Variants in NRG1 observed in about 807,000 individuals in gnomAD.
The protein encoded by NRG1 is neuregulin 1, also known as pro-neuregulin-1, membrane-bound isoform.
In NRG1, 18 loss-of-function variants were observed where a neutral mutation model predicts 63.8. That is an observed-to-expected ratio of 0.28 (90% confidence interval 0.19 to 0.42). The LOEUF (loss-of-function observed/expected upper bound fraction) is 0.42, where lower values mean the gene tolerates loss of function less well. NRG1 is among the 10% of genes least tolerant of loss of function. The pLI is 1.00. For synonymous variants in NRG1, 302 were observed against 301.3 expected, an observed-to-expected ratio of 1.00 and a Z score of -0.02; for missense variants, 762 against 814.7, an observed-to-expected ratio of 0.94 and a Z score of 0.79.
At chr8:32,561,427 A>G (rs1173699422) in intron 1 of NRG1, among the ~76,000 whole-genome samples, 1 of 152,228 alleles carries the variant, frequency 6.6e-6, no homozygotes, top group Non-Finnish European at 1.5e-5. Context: ...CCATAAAATA[A>G]GTAGTCCTAA....
chr8:32,532,531 A>G (rs371796379), intron 1 of NRG1, among the ~76,000 whole-genome samples: 1 of 152,136 alleles, frequency 6.6e-6, no homozygotes, highest in South Asian at 2.1e-4. Context: ...GTGTTTATGA[A>G]GCTGCTCTAA....
At chr8:32,477,637 A>C (rs1824697014) in intron 1 of NRG1, among the ~76,000 whole-genome samples, 2 of 152,206 alleles carry the variant, frequency 1.3e-5, no homozygotes, top group Non-Finnish European at 2.9e-5. Context: ...ATTGCCATCA[A>C]AATTTTAACT....
chr8:32,303,395 AAC>A (rs952805574), intron 1 of NRG1, among the ~76,000 whole-genome samples: 2 of 152,106 alleles, frequency 1.3e-5, no homozygotes, highest in African/African-American at 4.8e-5. Flanking sequence ...AAAATGACTT[AAC>A]ACACACAACT....
chr8:32,043,041 G>A (rs58483263), intron 1 of NRG1, among the ~76,000 whole-genome samples: 3,986 of 145,996 alleles, frequency 0.027, 182 homozygotes, highest in African/African-American at 0.091. Flanking sequence ...AAGAAATAAT[G>A]GCTGAAACAT....
At chr8:32,670,448 C>A (rs1805337775) in intron 5 of NRG1, among the ~76,000 whole-genome samples, 1 of 152,066 alleles carries the variant, frequency 6.6e-6, no homozygotes, top group African/African-American at 2.4e-5. Context: ...AAGAGAATGG[C>A]TGACTATAAG....
intron 1 of NRG1, among the ~76,000 whole-genome samples, chr8:31,981,670 G>A (rs1809125787): frequency 6.6e-6 from 1 of 151,838 alleles, no homozygotes; most frequent in African/African-American, 2.4e-5. Context: ...AATCCATTCT[G>A]CGACTTCACC....
intron 1 of NRG1, among the ~76,000 whole-genome samples, chr8:31,793,369 G>A (rs1404710911): frequency 6.6e-6 from 1 of 152,178 alleles, no homozygotes; most frequent in Non-Finnish European, 1.5e-5. Flanking sequence ...ATAGAATTGA[G>A]TCTCAATGAA....
chr8:32,155,623 G>A (rs1001717508), intron 1 of NRG1, among the ~76,000 whole-genome samples: 18 of 152,114 alleles, frequency 1.2e-4, no homozygotes, highest in African/African-American at 4.1e-4. Flanking sequence ...ATCAAACACT[G>A]CATTGACGCT....
chr8:32,153,586 C>CATATCACTG lies in NRG1; in HGVS notation c.38-442241_38-442233dup, dbSNP rs548968781. On this transcript the variant is annotated intron_variant, in intron 1 of 10. Coordinates refer to the NRG1 transcript ENST00000519301. Reference sequence around the variant, plus strand: ...TGATGATAGAAAATTAGTCTATGGCCATATCACTGTGAATGCACCAAATCT... The same window carrying CATATCACTG: ...TGATGATAGAAAATTAGTCTATGGCCATATCACTGATATCACTGTGAATGCACCAAATCT... Among the ~76,000 whole-genome samples, 19 of 152,226 alleles carry CATATCACTG rather than the reference C, an allele frequency of 1.2e-4. No individual in the cohort carries two copies. The East Asian group carries it at 2.1e-3, about 17-fold the overall frequency.
At chr8:32,397,398 T>C (rs13249296) in intron 1 of NRG1, among the ~76,000 whole-genome samples, 8,645 of 152,220 alleles carry the variant, frequency 0.057, 332 homozygotes, top group Middle Eastern at 0.092. Flanking sequence ...TGGTGCCTTG[T>C]ACATAATAAA....
intron 1 of NRG1, among the ~76,000 whole-genome samples, chr8:31,718,152 G>C (rs1227977840): frequency 6.6e-6 from 1 of 152,048 alleles, no homozygotes; most frequent in Non-Finnish European, 1.5e-5. Flanking sequence ...AACTAAAGTG[G>C]TCTAGAAGAT....
intron 1 of NRG1, chr8:32,029,508 T>G (rs1428177627): frequency 6.6e-6 from 1 of 152,210 alleles, no homozygotes; most frequent in African/African-American, 2.4e-5. Flanking sequence ...GATAGCTGAT[T>G]GGTTACAGCT....
chr8:32,086,483 A>G (rs1477309506), intron 1 of NRG1, among the ~76,000 whole-genome samples: 1 of 142,674 alleles, frequency 7.0e-6, no homozygotes, highest in Non-Finnish European at 1.6e-5. Flanking sequence ...AGTTATGAAT[A>G]TAGGTCATCT....
intron 6 of NRG1, 24 bp from the exon 7 acceptor site, chr8:32,741,983 TG>T: frequency 6.3e-7 from 1 of 1,598,578 alleles, no homozygotes; most frequent in Non-Finnish European, 8.6e-7. Context: ...ATTTTTTTTT[TG>T]CTTACCACAT....
At chr8:32,727,905 GA>G (rs1407172556) in intron 5 of NRG1, 43 bp from the exon 6 acceptor site, 53 of 1,595,244 alleles carry the variant, frequency 3.3e-5, no homozygotes, top group East Asian at 4.5e-5. Flanking sequence ...TTAGAAGGGG[GA>G]AAAAAAGTCC....
rs528989679 is a variant in NRG1, at chr8:31,677,319, T to A, written c.37+37888T>A. ...CTCAATTTATCTACCACTTAAAAAA[T>A]TTCAAGTGTTTTTTATCTATCTATG... On this transcript the variant is annotated intron_variant, in intron 1 of 10. Transcript: ENST00000519301. 5.5e-4 allele frequency among the ~76,000 whole-genome samples: 83 copies of A among 151,468 alleles called. No individual in the cohort carries two copies. In the Middle Eastern group the frequency reaches 0.017, roughly 32 times the overall value.
intron 1 of NRG1, among the ~76,000 whole-genome samples, chr8:32,535,817 A>G (rs908794215): frequency 1.3e-5 from 2 of 152,158 alleles, no homozygotes; most frequent in Non-Finnish European, 2.9e-5. Context: ...TGCACCTTGG[A>G]GATAGCCTTG....
At chr8:32,584,528 C>T (rs937806158) in intron 1 of NRG1, among the ~76,000 whole-genome samples, 3 of 152,038 alleles carry the variant, frequency 2.0e-5, no homozygotes, top group Non-Finnish European at 4.4e-5. Flanking sequence ...TAGGCCTCAA[C>T]GAGTAAAGAA....
chr8:31,664,923 A>G (rs946287287), intron 1 of NRG1, among the ~76,000 whole-genome samples: 1 of 152,232 alleles, frequency 6.6e-6, no homozygotes, highest in African/African-American at 2.4e-5. Flanking sequence ...ACCTTAGAAA[A>G]TAACTATCCC....
Sources: gnomAD v4.1 joint callset for allele counts (sites outside exome capture counted in the v4.1 genomes callset) on GRCh38, gnomAD v4.1.1 for gene constraint, MANE v1.5 for transcripts, NCBI Gene and HGNC (gene_info 2026-07-23, HGNC 2026-07-21) for gene names.